The following NCKAP5 variants were observed in gnomAD, a reference collection of about 807,000 sequenced individuals.
The protein encoded by NCKAP5 is NCK associated protein 5.
Under a neutral mutation model 167.0 loss-of-function variants are expected in NCKAP5, and 92 were observed. The observed-to-expected ratio is 0.55, with a 90% CI of 0.47 to 0.66. NCKAP5 has a LOEUF of 0.66. Among genes scored for constraint, NCKAP5 ranks in the 30% least tolerant of loss-of-function variants. The pLI is 0.00. For missense variants in NCKAP5, 2,378 were observed against 2,315.0 expected (o/e 1.03, Z -0.56); for synonymous variants, 891 against 877.4 (o/e 1.02, Z -0.27).
chr2:133,175,124 T>C (rs538942181), intron 5 of NCKAP5, among the ~76,000 whole-genome samples: 3 of 152,346 alleles, frequency 2.0e-5, no homozygotes, highest in African/African-American at 7.2e-5. Context: ...TACTGAACTT[T>C]TTTTTCATAT....
At chr2:133,429,658 T>C (rs765093872) in intron 3 of NCKAP5, among the ~76,000 whole-genome samples, 23 of 151,628 alleles carry the variant, frequency 1.5e-4, no homozygotes, top group Admixed American at 7.9e-4. Flanking sequence ...TTATTTTTTA[T>C]GGCTGCATAG....
chr2:132,900,684 C>A (rs1214742555), intron 8 of NCKAP5, among the ~76,000 whole-genome samples: 1 of 151,848 alleles, frequency 6.6e-6, no homozygotes, highest in Non-Finnish European at 1.5e-5. Flanking sequence ...AGACTGTAGC[C>A]CAGAAATGTA....
At chr2:132,753,915 C>T (rs527587643) in intron 16 of NCKAP5, among the ~76,000 whole-genome samples, 8 of 152,330 alleles carry the variant, frequency 5.3e-5, no homozygotes, top group African/African-American at 1.4e-4. Flanking sequence ...CCAGAAGCAG[C>T]TCAGGAATAA....
intron 2 of NCKAP5, among the ~76,000 whole-genome samples, chr2:133,526,079 T>C (rs114401814): frequency 2.4e-4 from 36 of 152,006 alleles, no homozygotes; most frequent in African/African-American, 8.7e-4. Context: ...ATATATATTC[T>C]ATACCTATTT....
intron 8 of NCKAP5, among the ~76,000 whole-genome samples, chr2:132,892,561 A>G (rs1052705681): frequency 2.6e-5 from 4 of 152,152 alleles, no homozygotes; most frequent in Non-Finnish European, 5.9e-5. Flanking sequence ...CAATCTGATC[A>G]CTCTGTTGAG....
At chr2:132,904,085 G>A (rs1197711088) in intron 8 of NCKAP5, among the ~76,000 whole-genome samples, 4 of 151,870 alleles carry the variant, frequency 2.6e-5, no homozygotes, top group African/African-American at 9.7e-5. Context: ...TCAGGAGATC[G>A]AGACCATCTT....
At chr2:133,378,989 C>T (rs538773599) in intron 3 of NCKAP5, among the ~76,000 whole-genome samples, 1 of 152,184 alleles carries the variant, frequency 6.6e-6, no homozygotes, top group South Asian at 2.1e-4. Context: ...TAACTTATGC[C>T]ACAGAAGAAT....
chr2:133,396,065 TC>T (rs1217074657), intron 3 of NCKAP5, among the ~76,000 whole-genome samples: 1 of 152,034 alleles, frequency 6.6e-6, no homozygotes, highest in African/African-American at 2.4e-5. Flanking sequence ...AGAAACTCAA[TC>T]ACCAACACAT....
intron 4 of NCKAP5, among the ~76,000 whole-genome samples, chr2:133,259,378 A>C (rs1260705852): frequency 6.6e-6 from 1 of 152,222 alleles, no homozygotes; most frequent in Admixed American, 6.5e-5. Flanking sequence ...TAACTAACTT[A>C]TAACTAATTA....
At chr2:133,398,581 G>A (rs1687901875) in intron 3 of NCKAP5, among the ~76,000 whole-genome samples, 1 of 152,182 alleles carries the variant, frequency 6.6e-6, no homozygotes, top group Middle Eastern at 3.2e-3. Context: ...TTTTAAAAAT[G>A]TAATTAGCAT....
At chr2:132,835,958 T>C (rs1340047261) in intron 11 of NCKAP5, among the ~76,000 whole-genome samples, 2 of 152,196 alleles carry the variant, frequency 1.3e-5, no homozygotes, top group East Asian at 3.8e-4. Flanking sequence ...TATTAGGTAC[T>C]CTTCTAAAAA....
At chr2:133,091,492 A>G (rs1574001677) in intron 6 of NCKAP5, among the ~76,000 whole-genome samples, 1 of 152,100 alleles carries the variant, frequency 6.6e-6, no homozygotes, top group African/African-American at 2.4e-5. Context: ...CCCTGGGTAT[A>G]TTTCCTCACC....
At chr2:133,158,014 C>A (rs996556994) in intron 5 of NCKAP5, among the ~76,000 whole-genome samples, 1 of 152,076 alleles carries the variant, frequency 6.6e-6, no homozygotes, top group Non-Finnish European at 1.5e-5. Context: ...CATGTTGTAT[C>A]ATAAAAATAT....
intron 6 of NCKAP5, among the ~76,000 whole-genome samples, chr2:133,052,203 A>C (rs948554520): frequency 1.6e-4 from 24 of 152,178 alleles, no homozygotes; most frequent in Non-Finnish European, 2.9e-5. Context: ...CATTAATCCA[A>C]ATCCACCTCT....
At chr2:133,447,733 A>G (rs1355765194) in intron 3 of NCKAP5, among the ~76,000 whole-genome samples, 1 of 151,762 alleles carries the variant, frequency 6.6e-6, no homozygotes, top group East Asian at 1.9e-4. Context: ...TGATCCTCCA[A>G]CCTTGGCCTC....
At chr2:133,483,816 C>T (rs906646327) in intron 3 of NCKAP5, among the ~76,000 whole-genome samples, 1 of 151,996 alleles carries the variant, frequency 6.6e-6, no homozygotes, top group Non-Finnish European at 1.5e-5. Flanking sequence ...TGCATGGTCT[C>T]CCCCCATATC....
chr2:133,268,068 G>A (rs904917685), intron 4 of NCKAP5, among the ~76,000 whole-genome samples: 3 of 152,232 alleles, frequency 2.0e-5, no homozygotes, highest in Admixed American at 1.3e-4. Context: ...CAAATCACCA[G>A]TGGAAAAGTT....
In NCKAP5 at chr2:132,848,593, T is replaced by C. The variant is rs553771614; in HGVS notation, c.807+11899A>G. Among the ~76,000 whole-genome samples, 15 of 152,334 alleles carry C rather than the reference T, an allele frequency of 9.8e-5. No homozygotes were observed. The East Asian group carries it at 2.5e-3, about 25-fold the overall frequency. ...ACATAAATATATCTATTATAAAATA[T>C]GATTTTGAAGACATGATTCTTATCC... On this transcript the variant is annotated intron_variant, in intron 11 of 19. Transcript: ENST00000409261.
chr2:133,599,144 T>C, the NCKAP5 span, among the ~76,000 whole-genome samples: 47 of 152,372 alleles, frequency 3.1e-4, no homozygotes, highest in African/African-American at 1.1e-3. Context: ...CAGGTCCTAT[T>C]TCCAAATAAG....
Sources: gnomAD v4.1 joint callset for allele counts (sites outside exome capture counted in the v4.1 genomes callset) on GRCh38, gnomAD v4.1.1 for gene constraint, MANE v1.5 for transcripts, NCBI Gene and HGNC (gene_info 2026-07-23, HGNC 2026-07-21) for gene names.